Variants in PPP4R4 observed in about 807,000 individuals in gnomAD.
PPP4R4 encodes the protein serine/threonine-protein phosphatase 4 regulatory subunit 4.
Under a neutral mutation model 121.8 loss-of-function variants are expected in PPP4R4, and 70 were observed. That is an observed-to-expected ratio of 0.57 (90% CI 0.47 to 0.70). The LOEUF (loss-of-function observed/expected upper bound fraction) is 0.70, where lower values mean the gene tolerates loss of function less well. PPP4R4 is among the 30% of genes least tolerant of loss of function. The pLI is 0.00. For synonymous variants in PPP4R4, 348 were observed against 355.7 expected (o/e 0.98, Z 0.24); for missense variants, 875 against 1,033.6 (o/e 0.85, Z 2.10).
chr14:94,189,091 A>G (rs1350353614), intron 2 of PPP4R4, among the ~76,000 whole-genome samples: 1 of 152,202 alleles, frequency 6.6e-6, no homozygotes, highest in Non-Finnish European at 1.5e-5. Flanking sequence ...AAATATACAT[A>G]TGTAAAATTT....
intron 1 of PPP4R4, among the ~76,000 whole-genome samples, chr14:94,175,071 G>A (rs1334999678): frequency 6.7e-6 from 1 of 150,336 alleles, no homozygotes; most frequent in Non-Finnish European, 1.5e-5. Flanking sequence ...ACGCCGCCCG[G>A]GTTCTGGCCC....
At chr14:94,246,846 G>C (rs1165707621) in intron 14 of PPP4R4, among the ~76,000 whole-genome samples, 1 of 152,186 alleles carries the variant, frequency 6.6e-6, no homozygotes, top group Non-Finnish European at 1.5e-5. Flanking sequence ...TTCTTCTTAA[G>C]AGGAAGGTTG....
chr14:94,260,201 G>A (rs886329582), intron 19 of PPP4R4, among the ~76,000 whole-genome samples: 1 of 152,122 alleles, frequency 6.6e-6, no homozygotes, highest in Non-Finnish European at 1.5e-5. Context: ...CGAGGCAGAC[G>A]GATCACGAGG....
At chr14:94,270,078 A>G (rs368367390) in intron 23 of PPP4R4, among the ~76,000 whole-genome samples, 1 of 152,198 alleles carries the variant, frequency 6.6e-6, no homozygotes, top group Non-Finnish European at 1.5e-5. Flanking sequence ...TGTCATCTCA[A>G]TTTTTCTGTA....
intron 23 of PPP4R4, among the ~76,000 whole-genome samples, chr14:94,271,136 C>T (rs1260682174): frequency 6.6e-6 from 1 of 152,112 alleles, no homozygotes; most frequent in Non-Finnish European, 1.5e-5. Flanking sequence ...ATCTCTTTCA[C>T]AAGATAGAAG....
At chr14:94,264,849 T>C in intron 19 of PPP4R4, 29 bp from the exon 20 acceptor site, 1 of 1,533,536 alleles carries the variant, frequency 6.5e-7, no homozygotes, top group South Asian at 1.2e-5. Context: ...CAGTTGTACC[T>C]TTAATGCAAG....
At chr14:94,262,425 T>A (rs1308088167) in intron 19 of PPP4R4, among the ~76,000 whole-genome samples, 2 of 151,930 alleles carry the variant, frequency 1.3e-5, no homozygotes, top group Non-Finnish European at 1.5e-5. Flanking sequence ...TCCTCTCTCC[T>A]TTTTTTGGAA....
At chr14:94,278,556 C>A (rs1894763960) in intron 24 of PPP4R4, 63 bp from the exon 25 acceptor site, 2 of 1,135,942 alleles carry the variant, frequency 1.8e-6, no homozygotes, top group Non-Finnish European at 2.5e-6. Context: ...TTTTCTTTTT[C>A]TCCCTTTCTC....
At chr14:94,204,533 T>C (rs1890360683) in intron 2 of PPP4R4, among the ~76,000 whole-genome samples, 1 of 152,176 alleles carries the variant, frequency 6.6e-6, no homozygotes. Flanking sequence ...TCCTACTTCA[T>C]TCCTCTTTTT....
rs1400972646 is a variant in PPP4R4, at chr14:94,234,630, G to C, written c.692G>C (p.Cys231Ser). 6.2e-7 allele frequency: 1 copy of C among 1,607,382 alleles called. No individual in the cohort carries two copies. Among genetic ancestry groups the C allele is most frequent in the Non-Finnish European group, 8.5e-7 (1 of 1,174,362 alleles). Residue 231 changes from cysteine to serine, a missense_variant, in exon 7 of 25, where the codon TGT (cysteine) becomes TCT (serine). Transcript: ENST00000304338. ...CQDVEYEVRS[C>S]MCRQLENIAQ... Reference sequence around the variant, plus strand: ...GATGTAGAATATGAAGTTCGATCTTGTATGTGTCGGCAATTAGAAAATATA... The same window carrying C: ...GATGTAGAATATGAAGTTCGATCTTCTATGTGTCGGCAATTAGAAAATATA...
At chr14:94,277,197 A>G (rs1237731561) in intron 24 of PPP4R4, among the ~76,000 whole-genome samples, 2 of 152,172 alleles carry the variant, frequency 1.3e-5, no homozygotes, top group Non-Finnish European at 2.9e-5. Context: ...GCTACTCAAG[A>G]GGCTGAGGCA....
chr14:94,269,152 A>T (rs1357456460), intron 23 of PPP4R4, among the ~76,000 whole-genome samples: 1 of 152,206 alleles, frequency 6.6e-6, no homozygotes, highest in African/African-American at 2.4e-5. Context: ...AGATGTTTGC[A>T]TAGAGAAGAG....
In PPP4R4 at chr14:94,174,647, T is replaced by A. The variant is rs1362631349; in HGVS notation, c.117+65T>A. The A allele has an allele frequency of 3.2e-6, 5 of 1,575,834 alleles. No individual in the cohort carries two copies. The East Asian group carries it at 1.2e-4, about 36-fold the overall frequency. The stretch of plus-strand genomic sequence containing the variant: ...CCGCCTGCCCCGCGCGGTCCCGCGC[T>A]GATCTCTGCCCCACGCCACCACCCT... On this transcript the variant is annotated intron_variant, in intron 1 of 24. Coordinates refer to ENST00000304338, the MANE Select transcript of PPP4R4 (RefSeq NM_058237.2).
intron 23 of PPP4R4, among the ~76,000 whole-genome samples, chr14:94,272,180 A>G (rs1282805539): frequency 1.3e-5 from 2 of 152,230 alleles, no homozygotes; most frequent in African/African-American, 2.4e-5. Flanking sequence ...TTACCTAGAG[A>G]AGAAAAGTCC....
At chr14:94,204,626 T>C (rs911682387) in intron 2 of PPP4R4, among the ~76,000 whole-genome samples, 1 of 152,184 alleles carries the variant, frequency 6.6e-6, no homozygotes, top group Non-Finnish European at 1.5e-5. Flanking sequence ...CGAAATCTTG[T>C]TGGTATTTTG....
intron 3 of PPP4R4, among the ~76,000 whole-genome samples, chr14:94,216,906 A>C (rs1891050564): frequency 6.6e-6 from 1 of 152,184 alleles, no homozygotes. Flanking sequence ...TGTGGAAGGC[A>C]GGAGATGTTA....
intron 2 of PPP4R4, among the ~76,000 whole-genome samples, chr14:94,204,037 T>C (rs1460955678): frequency 1.3e-5 from 2 of 152,164 alleles, no homozygotes; most frequent in Admixed American, 1.3e-4. Context: ...AGTTTTAAAT[T>C]TTGATGAAGT....
At chr14:94,187,244 T>A (rs1024063259) in intron 2 of PPP4R4, among the ~76,000 whole-genome samples, 1 of 151,860 alleles carries the variant, frequency 6.6e-6, no homozygotes, top group Non-Finnish European at 1.5e-5. Flanking sequence ...AGGCAGAGGT[T>A]GCAGTGAGCC....
At chr14:94,228,321 C>A (rs2139521672) in intron 3 of PPP4R4, among the ~76,000 whole-genome samples, 2 of 152,274 alleles carry the variant, frequency 1.3e-5, no homozygotes, top group African/African-American at 4.8e-5. Flanking sequence ...AGTGTTTTGG[C>A]ATCTGGTAGA....
Sources: gnomAD v4.1 joint callset for allele counts (sites outside exome capture counted in the v4.1 genomes callset) on GRCh38, gnomAD v4.1.1 for gene constraint, MANE v1.5 for transcripts, NCBI Gene and HGNC (gene_info 2026-07-23, HGNC 2026-07-21) for gene names.